The following PAFAH1B1 variants were observed in gnomAD, a reference collection of about 807,000 sequenced individuals.
PAFAH1B1 encodes the protein platelet activating factor acetylhydrolase 1b regulatory subunit 1.
PAFAH1B1 carries 2 observed loss-of-function variants against 57.5 expected under a neutral mutation model. The ratio of observed to expected loss-of-function variants is 0.03; its 90% CI spans 0.01 to 0.11. PAFAH1B1 has a LOEUF of 0.11. PAFAH1B1 is among the 10% of genes least tolerant of loss of function. The pLI is 1.00. For synonymous variants in PAFAH1B1, 152 were observed against 169.6 expected, an observed-to-expected ratio of 0.90 and a Z score of 0.81; for missense variants, 257 against 512.0, an observed-to-expected ratio of 0.50 and a Z score of 4.81.
intron 1 of PAFAH1B1, among the ~76,000 whole-genome samples, chr17:2,601,558 C>T (rs1218512585): frequency 6.6e-6 from 1 of 152,146 alleles, no homozygotes; most frequent in African/African-American, 2.4e-5. Flanking sequence ...TCTCCTGCCT[C>T]AGCCTCCCGA....
intron 1 of PAFAH1B1, among the ~76,000 whole-genome samples, chr17:2,626,262 A>T (rs2068488056): frequency 6.6e-6 from 1 of 152,110 alleles, no homozygotes; most frequent in African/African-American, 2.4e-5. Context: ...AAAAAAAAAA[A>T]AAATTATTTC....
At chr17:2,602,711 G>T (rs879444121) in intron 1 of PAFAH1B1, among the ~76,000 whole-genome samples, 8 of 152,174 alleles carry the variant, frequency 5.3e-5, no homozygotes, top group Admixed American at 5.2e-4. Context: ...TACTTAAAAA[G>T]AACCCTCCCT....
intron 7 of PAFAH1B1, 162 bp from the exon 8 acceptor site, chr17:2,673,898 T>A: frequency 1.6e-6 from 1 of 627,708 alleles, no homozygotes; most frequent in East Asian, 2.8e-5. Flanking sequence ...TCTGTTAGCT[T>A]ATTGTTCCTA....
At chr17:2,603,892 C>G in intron 1 of PAFAH1B1, among the ~76,000 whole-genome samples, 1 of 151,866 alleles carries the variant, frequency 6.6e-6, no homozygotes, top group South Asian at 2.1e-4. Context: ...CATGCGCAAC[C>G]ACGCGCGGCT....
At position 2,684,699 on chromosome 17, in the gene PAFAH1B1, G is replaced by A. The variant is rs915821565; in HGVS notation, c.*2897G>A. The A allele has an allele frequency of 1.3e-5, 2 of 152,666 alleles. No individual in the cohort carries two copies. Among genetic ancestry groups the A allele is most frequent in the Non-Finnish European group, 2.9e-5 (2 of 68,076 alleles). The allele number at this position is 152,666 out of a possible 1,614,324, so 9.5% of individuals were successfully genotyped here. A position where few individuals can be genotyped will look rare whatever the true frequency, so the allele number is the denominator to read the frequency against. ...ACTTTAGGAGACTAAGACCGTCCTGGTTCGTCTGTGTGTGGTGTGACCAAT... is the reference window on the plus strand; with the variant it reads ...ACTTTAGGAGACTAAGACCGTCCTGATTCGTCTGTGTGTGGTGTGACCAAT... On this transcript the variant is annotated 3_prime_UTR_variant, in exon 11 of 11. Coordinates refer to ENST00000397195, the MANE Select transcript of PAFAH1B1 (RefSeq NM_000430.4).
chr17:2,650,535 TGTC>T (rs1257570618), intron 2 of PAFAH1B1, among the ~76,000 whole-genome samples: 1 of 138,530 alleles, frequency 7.2e-6, no homozygotes, highest in Non-Finnish European at 1.5e-5. Flanking sequence ...AATACAGGGA[TGTC>T]GGCGCAGTCT....
intron 2 of PAFAH1B1, among the ~76,000 whole-genome samples, chr17:2,649,158 A>C (rs570836732): frequency 2.0e-4 from 30 of 151,054 alleles, no homozygotes; most frequent in Non-Finnish European, 3.7e-4. Flanking sequence ...CAGAGGCTGC[A>C]GTGAGGCGAG....
chr17:2,599,450 G>A (rs1000000148), intron 1 of PAFAH1B1, among the ~76,000 whole-genome samples: 1 of 152,112 alleles, frequency 6.6e-6, no homozygotes, highest in Non-Finnish European at 1.5e-5. Flanking sequence ...GTCTTGTATT[G>A]TTGACTGCTT....
intron 1 of PAFAH1B1, among the ~76,000 whole-genome samples, chr17:2,622,235 C>T (rs957772464): frequency 6.6e-6 from 1 of 152,154 alleles, no homozygotes; most frequent in Admixed American, 6.5e-5. Flanking sequence ...GCCTTCCCAG[C>T]AGTCCTGCAA....
chr17:2,627,448 A>G (rs952069839), intron 1 of PAFAH1B1, among the ~76,000 whole-genome samples: 3 of 152,116 alleles, frequency 2.0e-5, no homozygotes, highest in African/African-American at 4.8e-5. Context: ...CCATTGGTCT[A>G]TGTGCCTATT....
rs189000752 is a variant in PAFAH1B1 at position 2,618,484 on chromosome 17, G to A, written c.-190-19615G>A. Among the ~76,000 whole-genome samples, 153 of 152,050 alleles carry A rather than the reference G, an allele frequency of 1.0e-3. 2 individuals are homozygous for A. The highest frequency in any genetic ancestry group is 9.7e-4 in the East Asian group (5 of 5,154). ...TCTAAGGAAATGAAGTTACTCTTAC[G>A]GAGTATTTTGTCCTTCTATGTAATC... On this transcript the variant is annotated intron_variant, in intron 1 of 10. Transcript: ENST00000397195.
intron 1 of PAFAH1B1, among the ~76,000 whole-genome samples, chr17:2,603,232 C>G (rs1377082213): frequency 1.3e-5 from 2 of 152,098 alleles, no homozygotes; most frequent in Non-Finnish European, 1.5e-5. Flanking sequence ...AACTACAACT[C>G]TGCAAATCCT....
At chr17:2,594,525 A>G (rs2068062978) in intron 1 of PAFAH1B1, among the ~76,000 whole-genome samples, 1 of 151,908 alleles carries the variant, frequency 6.6e-6, no homozygotes. Flanking sequence ...CGGGGCACTC[A>G]TAGGGCCTTC....
Position 2,652,374 on chromosome 17 carries a change from C to G in PAFAH1B1, c.33-12998C>G, listed in dbSNP as rs577391221. Among the ~76,000 whole-genome samples the G allele has an allele frequency of 1.2e-3, 190 of 152,342 alleles. 1 individual carries two copies. The highest frequency in any genetic ancestry group is 4.2e-3 in the African/African-American group (175 of 41,576). On this transcript the variant is annotated intron_variant, in intron 2 of 10. Coordinates refer to ENST00000397195, the MANE Select transcript of PAFAH1B1 (RefSeq NM_000430.4). Reference sequence around the variant, plus strand: ...AGCTTGCAGTGAGCCAAGATCGCGCCACTGCACTCCAGCCTGGGCGGCAGA... The same window carrying G: ...AGCTTGCAGTGAGCCAAGATCGCGCGACTGCACTCCAGCCTGGGCGGCAGA...
At chr17:2,653,420 A>C (rs1267226237) in intron 2 of PAFAH1B1, among the ~76,000 whole-genome samples, 1 of 127,562 alleles carries the variant, frequency 7.8e-6, no homozygotes, top group Non-Finnish European at 1.7e-5. Flanking sequence ...AAAAGTATTA[A>C]AAAAAAAAAA....
At chr17:2,614,113 C>T (rs1351723485) in intron 1 of PAFAH1B1, among the ~76,000 whole-genome samples, 2 of 143,190 alleles carry the variant, frequency 1.4e-5, no homozygotes, top group Admixed American at 7.4e-5. Flanking sequence ...GCTGCAGCCT[C>T]AACCTCCCAG....
intron 2 of PAFAH1B1, among the ~76,000 whole-genome samples, chr17:2,645,076 G>T (rs749371652): frequency 6.6e-6 from 1 of 151,926 alleles, no homozygotes; most frequent in African/African-American, 2.4e-5. Flanking sequence ...GTGAAACCCC[G>T]TCTCTACAAA....
At position 2,626,577 on chromosome 17, in the gene PAFAH1B1, G is replaced by A. The variant is rs924739813; in HGVS notation, c.-190-11522G>A. 3.3e-4 allele frequency among the ~76,000 whole-genome samples: 21 copies of A among 62,896 alleles called. 1 individual carries two copies. Among genetic ancestry groups the A allele is most frequent in the South Asian group, 1.6e-3 (3 of 1,908 alleles). 41.3% of individuals were successfully genotyped at this position (62,896 alleles called of 152,430 possible). ...TTCCCCCCCCCCCCCCCCCCGAGGC[G>A]GAGTCTTGTTCTGTCGCCCAGAGCT... On this transcript the variant is annotated intron_variant, in intron 1 of 10. Transcript: ENST00000397195.
At position 2,685,538 on chromosome 17, in the gene PAFAH1B1, CAA is replaced by C. The variant is rs539947611; in HGVS notation, c.*3739_*3740del. 12 of 150,040 alleles carry C rather than the reference CAA, an allele frequency of 8.0e-5. No individual in the cohort carries two copies. Among genetic ancestry groups the C allele is most frequent in the South Asian group, 2.1e-4 (1 of 4,698 alleles). The allele number at this position is 150,040 out of a possible 1,614,324, so 9.3% of individuals were successfully genotyped here. On this transcript the variant is annotated 3_prime_UTR_variant, in exon 11 of 11. Transcript: ENST00000397195. ...TTTGTTGCTCTCAGACTGTGTAAAA[CAA>C]AATTTATTCATGTTTTCTGCATATT...
Sources: allele counts gnomAD v4.1 joint callset (sites outside exome capture counted in the v4.1 genomes callset), GRCh38; gene constraint gnomAD v4.1.1; transcripts MANE v1.5; gene names NCBI Gene and HGNC (gene_info 2026-07-23, HGNC 2026-07-21).